Variants in KCNU1 observed in about 807,000 individuals in gnomAD.
KCNU1 encodes the protein potassium calcium-activated channel subfamily U member 1, also known as potassium channel subfamily U member 1.
A neutral mutation model predicts 126.8 loss-of-function variants in KCNU1; 93 were observed. The observed-to-expected ratio is 0.73, with a 90% CI of 0.62 to 0.87. The LOEUF is 0.87. Ranked by LOEUF, KCNU1 falls within the 40% of genes least tolerant of loss-of-function variation. The pLI is 0.00. For missense variants in KCNU1, 1,330 were observed against 1,367.1 expected (o/e 0.97, Z 0.43); for synonymous variants, 523 against 494.2 (o/e 1.06, Z -0.77).
intron 2 of KCNU1, among the ~76,000 whole-genome samples, chr8:36,801,756 C>T (rs1803315182): frequency 6.6e-6 from 1 of 152,046 alleles, no homozygotes; most frequent in African/African-American, 2.4e-5. Flanking sequence ...AACTGAATAT[C>T]TGCATGAAAC....
At chr8:36,889,322 A>T in intron 19 of KCNU1, 1 of 505,770 alleles carries the variant, frequency 2.0e-6, no homozygotes. Context: ...AAATTTGGTA[A>T]TTACTTTGGA....
intron 19 of KCNU1, among the ~76,000 whole-genome samples, chr8:36,873,270 C>T (rs981321041): frequency 6.6e-6 from 1 of 151,688 alleles, no homozygotes; most frequent in Non-Finnish European, 1.5e-5. Flanking sequence ...CTGGCCCCAA[C>T]CCCCACCCCT....
chr8:36,826,905 C>T (rs1456961878), intron 10 of KCNU1, among the ~76,000 whole-genome samples: 1 of 151,812 alleles, frequency 6.6e-6, no homozygotes. Context: ...GCATTTTTAC[C>T]TTACCTTTTG....
chr8:36,827,557 T>C (rs1029506680), intron 10 of KCNU1, among the ~76,000 whole-genome samples: 5 of 152,216 alleles, frequency 3.3e-5, no homozygotes, highest in Admixed American at 2.6e-4. Flanking sequence ...ATATAATTGA[T>C]GACTTCTTAG....
At chr8:36,824,979 T>C (rs540631372) in intron 10 of KCNU1, among the ~76,000 whole-genome samples, 3 of 152,296 alleles carry the variant, frequency 2.0e-5, no homozygotes, top group East Asian at 3.9e-4. Flanking sequence ...CCCAAAAATA[T>C]AATTGTAAGG....
intron 6 of KCNU1, among the ~76,000 whole-genome samples, 162 bp from the exon 7 acceptor site, chr8:36,808,556 C>G (rs1308020548): frequency 6.6e-6 from 1 of 151,974 alleles, no homozygotes; most frequent in Non-Finnish European, 1.5e-5. Context: ...ATTGGGAGAT[C>G]GGGGCAGGGA....
chr8:36,866,726 T>C (rs1805924579), intron 19 of KCNU1, among the ~76,000 whole-genome samples: 1 of 152,144 alleles, frequency 6.6e-6, no homozygotes, highest in Non-Finnish European at 1.5e-5. Flanking sequence ...ACTTCCATGC[T>C]GTCTAGATGG....
intron 19 of KCNU1, among the ~76,000 whole-genome samples, chr8:36,879,211 G>GTATATATATATATATATATA (rs34121138): frequency 2.6e-4 from 26 of 101,742 alleles, no homozygotes; most frequent in South Asian, 3.5e-4. Flanking sequence ...GTGTGTGTGT[G>GTATATATATATATATATATA]TATATATATA....
intron 18 of KCNU1, among the ~76,000 whole-genome samples, chr8:36,848,877 T>C (rs1346200259): frequency 1.3e-5 from 2 of 152,034 alleles, no homozygotes; most frequent in Admixed American, 1.3e-4. Context: ...ACTGTATATA[T>C]GTGTGGGGGA....
intron 19 of KCNU1, among the ~76,000 whole-genome samples, chr8:36,880,203 G>A (rs1027994347): frequency 6.6e-6 from 1 of 152,058 alleles, no homozygotes; most frequent in African/African-American, 2.4e-5. Flanking sequence ...TTACATTATT[G>A]CTTATAGAAT....
chr8:36,933,411 C>T (rs1209877973), intron 26 of KCNU1, among the ~76,000 whole-genome samples: 1 of 152,100 alleles, frequency 6.6e-6, no homozygotes, highest in Non-Finnish European at 1.5e-5. Context: ...CTGCTGGACT[C>T]ATTGGGTAAA....
rs199611444 is a variant in KCNU1 at position 36,897,888 on chromosome 8, G to A, written c.2010-7820G>A. Among the ~76,000 whole-genome samples the A allele has an allele frequency of 2.0e-4, 30 of 152,194 alleles. No individual in the cohort carries two copies. In the East Asian group the frequency reaches 4.1e-3, roughly 21 times the overall value. ...AATAGCCATTGTGTAACACACAGATGGGGAGGACTCCATGTCGTGAGTGAT... is the reference window on the plus strand; with the variant it reads ...AATAGCCATTGTGTAACACACAGATAGGGAGGACTCCATGTCGTGAGTGAT... On this transcript the variant is annotated intron_variant, in intron 19 of 26. Transcript: ENST00000399881.
chr8:36,841,030 A>ATT, intron 16 of KCNU1, 27 bp downstream of exon 16: 68 of 815,996 alleles, frequency 8.3e-5, no homozygotes, highest in Middle Eastern at 2.5e-4. Flanking sequence ...TCATCTCTTC[A>ATT]GTTGTTTTTT....
intron 14 of KCNU1, among the ~76,000 whole-genome samples, chr8:36,839,291 A>T (rs745392585): frequency 1.5e-4 from 23 of 152,090 alleles, no homozygotes; most frequent in Non-Finnish European, 2.9e-4. Flanking sequence ...TTCTATCCAA[A>T]ATCCTCCTGT....
intron 18 of KCNU1, among the ~76,000 whole-genome samples, chr8:36,849,223 A>G (rs1008599714): frequency 2.0e-5 from 3 of 152,288 alleles, no homozygotes; most frequent in Admixed American, 6.5e-5. Context: ...CGAAAAACAA[A>G]AAAAAGGATC....
chr8:36,898,532 T>A (rs934235040), intron 19 of KCNU1, among the ~76,000 whole-genome samples: 1 of 151,774 alleles, frequency 6.6e-6, no homozygotes, highest in African/African-American at 2.4e-5. Context: ...TTCAGATATC[T>A]CATGCTCCGA....
At chr8:36,862,004 G>A (rs996224387) in intron 18 of KCNU1, among the ~76,000 whole-genome samples, 1 of 152,010 alleles carries the variant, frequency 6.6e-6, no homozygotes, top group African/African-American at 2.4e-5. Flanking sequence ...TTGTTTGTTT[G>A]TTTGTTTGTT....
At chr8:36,829,684 G>T (rs976833010) in intron 10 of KCNU1, among the ~76,000 whole-genome samples, 7 of 150,750 alleles carry the variant, frequency 4.6e-5, no homozygotes, top group African/African-American at 1.7e-4. Flanking sequence ...AATTTAATGC[G>T]AATCTAATTG....
chr8:36,827,268 G>A (rs553455991), intron 10 of KCNU1, among the ~76,000 whole-genome samples: 46 of 152,240 alleles, frequency 3.0e-4, no homozygotes, highest in Non-Finnish European at 4.7e-4. Flanking sequence ...GATGACAGCC[G>A]AATTATAAGC....
Sources: gnomAD v4.1 joint callset for allele counts (sites outside exome capture counted in the v4.1 genomes callset) on GRCh38, gnomAD v4.1.1 for gene constraint, MANE v1.5 for transcripts, NCBI Gene and HGNC (gene_info 2026-07-23, HGNC 2026-07-21) for gene names.